The following CADM2 variants were observed in gnomAD, a reference collection of about 807,000 sequenced individuals.
CADM2 encodes immunoglobulin superfamily member 4D.
A neutral mutation model predicts 49.8 loss-of-function variants in CADM2; 12 were observed. The observed-to-expected ratio is 0.24, with a 90% CI of 0.15 to 0.39. CADM2 has a LOEUF of 0.39. CADM2 is among the 10% of genes least tolerant of loss of function. CADM2 has a pLI of 1.00. For synonymous variants in CADM2, 214 were observed against 175.4 expected (o/e 1.22, Z -1.74); for missense variants, 378 against 492.3 (o/e 0.77, Z 2.20).
intron 1 of CADM2, among the ~76,000 whole-genome samples, chr3:85,613,564 C>T (rs1034320268): frequency 4.6e-5 from 7 of 151,626 alleles, no homozygotes; most frequent in South Asian, 2.1e-4. Flanking sequence ...TTAATGATCA[C>T]GATACCAGGG....
intron 1 of CADM2, among the ~76,000 whole-genome samples, chr3:85,290,372 G>A (rs144209389): frequency 0.013 from 1,932 of 152,294 alleles, 45 homozygotes; most frequent in African/African-American, 0.043. Context: ...AGGGGCGCCC[G>A]CCATTGCCCA....
chr3:85,375,380 G>A (rs1045150179), intron 1 of CADM2, among the ~76,000 whole-genome samples: 1 of 152,172 alleles, frequency 6.6e-6, no homozygotes, highest in East Asian at 1.9e-4. Flanking sequence ...AATTGTAGAG[G>A]TGTTGATAAT....
intron 8 of CADM2, among the ~76,000 whole-genome samples, chr3:86,025,897 C>G (rs1485882596): frequency 6.6e-6 from 1 of 152,082 alleles, no homozygotes; most frequent in Non-Finnish European, 1.5e-5. Flanking sequence ...TCAATTTAAA[C>G]AGGTGAAAGT....
At chr3:85,389,484 T>C (rs1014624232) in intron 1 of CADM2, among the ~76,000 whole-genome samples, 1 of 152,122 alleles carries the variant, frequency 6.6e-6, no homozygotes, top group Non-Finnish European at 1.5e-5. Context: ...TATGTTATTT[T>C]TCTGTATCTA....
chr3:85,857,890 G>A (rs2075376484), intron 3 of CADM2, among the ~76,000 whole-genome samples: 1 of 152,074 alleles, frequency 6.6e-6, no homozygotes, highest in Non-Finnish European at 1.5e-5. Flanking sequence ...CAATTTCATT[G>A]CCATCCAGAG....
chr3:85,333,304 G>A (rs1301471187), intron 1 of CADM2, among the ~76,000 whole-genome samples: 1 of 151,528 alleles, frequency 6.6e-6, no homozygotes, highest in Non-Finnish European at 1.5e-5. Context: ...TTTAATATTA[G>A]CGAGCCATGT....
intron 3 of CADM2, among the ~76,000 whole-genome samples, chr3:85,830,372 G>T (rs2074130753): frequency 6.6e-6 from 1 of 151,808 alleles, no homozygotes; most frequent in Non-Finnish European, 1.5e-5. Flanking sequence ...AAGATTATTT[G>T]TTTTCTTTTT....
chr3:85,442,853 TATA>T (rs1354426856), intron 1 of CADM2, among the ~76,000 whole-genome samples: 1 of 151,668 alleles, frequency 6.6e-6, no homozygotes, highest in African/African-American at 2.4e-5. Context: ...AAGAAATTGA[TATA>T]ATATCAGGAA....
intron 1 of CADM2, among the ~76,000 whole-genome samples, chr3:85,589,175 C>G (rs62250537): frequency 0.59 from 90,129 of 151,642 alleles, 28,267 homozygotes; most frequent in East Asian, 0.93. Context: ...GGGTGTCACC[C>G]TGTAATGAGT....
chr3:85,501,772 T>G (rs1158167301), intron 1 of CADM2, among the ~76,000 whole-genome samples: 2 of 152,144 alleles, frequency 1.3e-5, no homozygotes, highest in African/African-American at 4.8e-5. Flanking sequence ...ACTTTGCCAG[T>G]GGTTGCTACC....
intron 3 of CADM2, among the ~76,000 whole-genome samples, chr3:85,846,491 G>A (rs1404899441): frequency 6.6e-6 from 1 of 152,126 alleles, no homozygotes. Context: ...TCAGGAGTCA[G>A]GTTATTCAGA....
chr3:85,731,681 G>T (rs2067935465), intron 2 of CADM2, among the ~76,000 whole-genome samples: 1 of 151,860 alleles, frequency 6.6e-6, no homozygotes, highest in Non-Finnish European at 1.5e-5. Flanking sequence ...AACACATACA[G>T]TATAAGATGT....
intron 2 of CADM2, among the ~76,000 whole-genome samples, chr3:85,742,081 A>G (rs965014075): frequency 6.6e-6 from 1 of 152,230 alleles, no homozygotes; most frequent in African/African-American, 2.4e-5. Context: ...AGCAGTACCT[A>G]ACGCTTATGG....
intron 3 of CADM2, among the ~76,000 whole-genome samples, chr3:85,877,505 T>G (rs971228960): frequency 1.3e-5 from 2 of 152,052 alleles, no homozygotes; most frequent in Non-Finnish European, 2.9e-5. Context: ...TCTGATTAAC[T>G]ACGGCCTTTT....
At chr3:85,982,082 G>T (rs940658424) in intron 8 of CADM2, among the ~76,000 whole-genome samples, 1 of 151,636 alleles carries the variant, frequency 6.6e-6, no homozygotes, top group Admixed American at 6.6e-5. Context: ...TTGCGGTTTT[G>T]ATTTGTGTTT....
chr3:85,091,495 AAT>A (rs1042902765), intron 1 of CADM2, among the ~76,000 whole-genome samples: 2 of 152,194 alleles, frequency 1.3e-5, no homozygotes, highest in Non-Finnish European at 2.9e-5. Context: ...TGAAGATAAA[AAT>A]AGTTTTCAAT....
At chr3:85,721,879 T>C (rs1337045367) in intron 1 of CADM2, among the ~76,000 whole-genome samples, 1 of 152,250 alleles carries the variant, frequency 6.6e-6, no homozygotes, top group Non-Finnish European at 1.5e-5. Context: ...TGTTGGGTAC[T>C]GAATTCTTGC....
chr3:85,390,014 A>G (rs2034442016), intron 1 of CADM2, among the ~76,000 whole-genome samples: 1 of 152,114 alleles, frequency 6.6e-6, no homozygotes. Context: ...CACAATCGGC[A>G]TAGTAAATCA....
chr3:85,988,834 T>G (rs1728429989), intron 8 of CADM2, among the ~76,000 whole-genome samples: 1 of 152,178 alleles, frequency 6.6e-6, no homozygotes, highest in African/African-American at 2.4e-5. Context: ...AGCTGTTTTG[T>G]TACTGACTGG....
Sources: allele counts gnomAD v4.1 joint callset (sites outside exome capture counted in the v4.1 genomes callset), GRCh38; gene constraint gnomAD v4.1.1; transcripts MANE v1.5; gene names NCBI Gene and HGNC (gene_info 2026-07-23, HGNC 2026-07-21).